The following ERBB4 variants were observed in gnomAD, a reference collection of about 807,000 sequenced individuals.
The protein encoded by ERBB4 is erb-b2 receptor tyrosine kinase 4, also known as receptor tyrosine-protein kinase erbB-4.
In ERBB4, 42 loss-of-function variants were observed where a neutral mutation model predicts 158.0. The observed-to-expected ratio is 0.27, with a 90% CI of 0.21 to 0.34. The LOEUF (loss-of-function observed/expected upper bound fraction) is 0.34, where lower values mean the gene tolerates loss of function less well. Ranked by LOEUF, ERBB4 falls within the 10% of genes least tolerant of loss-of-function variation. The pLI, the probability that ERBB4 is intolerant of heterozygous loss-of-function variation, is 1.00. For synonymous variants in ERBB4, 583 were observed against 558.7 expected (o/e 1.04, Z -0.61); for missense variants, 1,333 against 1,624.1 (o/e 0.82, Z 3.08).
At chr2:211,816,201 A>G (rs1217385359) in intron 3 of ERBB4, among the ~76,000 whole-genome samples, 1 of 152,194 alleles carries the variant, frequency 6.6e-6, no homozygotes, top group Non-Finnish European at 1.5e-5. Flanking sequence ...AATGCTGATT[A>G]AATGTAAAAG....
intron 5 of ERBB4, among the ~76,000 whole-genome samples, chr2:211,732,230 A>T (rs1181946796): frequency 1.3e-5 from 2 of 152,298 alleles, no homozygotes; most frequent in African/African-American, 4.8e-5. Flanking sequence ...TCACAGAGGA[A>T]GGCTTCATCA....
chr2:212,251,430 G>A (rs774222180), intron 1 of ERBB4, among the ~76,000 whole-genome samples: 31 of 151,984 alleles, frequency 2.0e-4, no homozygotes, highest in East Asian at 5.8e-4. Flanking sequence ...ACCTCATATC[G>A]TAGTGAGAAG....
At chr2:212,042,642 TC>T (rs2077168429) in intron 2 of ERBB4, among the ~76,000 whole-genome samples, 1 of 152,216 alleles carries the variant, frequency 6.6e-6, no homozygotes, top group Admixed American at 6.5e-5. Context: ...CTATAATCTT[TC>T]TTTGTGGTTT....
intron 2 of ERBB4, among the ~76,000 whole-genome samples, chr2:212,085,836 A>C (rs1361244546): frequency 1.0e-5 from 1 of 95,742 alleles, no homozygotes; most frequent in Admixed American, 1.4e-4. Flanking sequence ...GATATTATAT[A>C]ATCCCCCAAA....
At chr2:212,424,848 T>G (rs961097383) in intron 1 of ERBB4, among the ~76,000 whole-genome samples, 2 of 152,082 alleles carry the variant, frequency 1.3e-5, no homozygotes, top group Admixed American at 6.6e-5. Flanking sequence ...AGCCTTTTAC[T>G]TATCTTCAGA....
At chr2:212,225,386 A>G (rs2083438557) in intron 1 of ERBB4, among the ~76,000 whole-genome samples, 1 of 152,070 alleles carries the variant, frequency 6.6e-6, no homozygotes, top group Non-Finnish European at 1.5e-5. Flanking sequence ...TACCATTTAC[A>G]TGAGGCTGGA....
At chr2:211,957,531 G>A (rs1056025340) in intron 2 of ERBB4, among the ~76,000 whole-genome samples, 2 of 152,104 alleles carry the variant, frequency 1.3e-5, no homozygotes, top group African/African-American at 4.8e-5. Flanking sequence ...GCTTTTAGCA[G>A]TATTATGTTG....
intron 1 of ERBB4, among the ~76,000 whole-genome samples, chr2:212,409,089 A>T (rs1043849278): frequency 2.6e-5 from 4 of 152,156 alleles, no homozygotes; most frequent in Non-Finnish European, 4.4e-5. Context: ...CACCAAACTT[A>T]ATTAGGCAGA....
rs528991337 is a variant in ERBB4, at chr2:211,639,969, C to G, written c.1947-9375G>C. 1.8e-3 allele frequency among the ~76,000 whole-genome samples: 277 copies of G among 152,156 alleles called. 2 individuals carry two copies. The highest frequency in any genetic ancestry group is 1.1e-3 in the Admixed American group (17 of 15,278). ...AACTCCTGACCTCAGGTGATCTGCC[C>G]GCCTCGGCCTTCCAAAGTGCTGGGA... On this transcript the variant is annotated intron_variant, in intron 16 of 27. Transcript: ENST00000342788.
chr2:211,974,376 G>A (rs1303769124), intron 2 of ERBB4, among the ~76,000 whole-genome samples: 3 of 152,160 alleles, frequency 2.0e-5, no homozygotes, highest in Non-Finnish European at 2.9e-5. Flanking sequence ...GGGAAGGATG[G>A]AAGAAGGGAG....
intron 2 of ERBB4, among the ~76,000 whole-genome samples, chr2:212,003,211 A>AAC (rs1559294130): frequency 1.1e-4 from 6 of 55,894 alleles, no homozygotes; most frequent in African/African-American, 3.3e-4. Context: ...GAAAGACAGA[A>AAC]AGAAGGAAGG....
intron 1 of ERBB4, among the ~76,000 whole-genome samples, chr2:212,472,280 A>G (rs546232565): frequency 4.6e-5 from 7 of 151,960 alleles, no homozygotes; most frequent in African/African-American, 1.7e-4. Flanking sequence ...CCTAAAATAT[A>G]TTGGCACAAC....
chr2:211,722,035 G>A (rs1235951046), intron 7 of ERBB4, among the ~76,000 whole-genome samples: 1 of 152,052 alleles, frequency 6.6e-6, no homozygotes, highest in Non-Finnish European at 1.5e-5. Flanking sequence ...GCTAATTTTT[G>A]TATTTTCTGT....
chr2:212,454,837 T>C lies in ERBB4; in HGVS notation c.82+83612A>G, dbSNP rs111270495. On this transcript the variant is annotated intron_variant, in intron 1 of 27. Coordinates refer to ENST00000342788, the MANE Select transcript of ERBB4 (RefSeq NM_005235.3). ...AAAGTGAAGCAGTTGGACTCAATTTTTGTGAAAACCAGCTTGATTCTACAG... is the reference window on the plus strand; with the variant it reads ...AAAGTGAAGCAGTTGGACTCAATTTCTGTGAAAACCAGCTTGATTCTACAG... 9.7e-3 allele frequency among the ~76,000 whole-genome samples: 1,482 copies of C among 152,290 alleles called. 28 individuals are homozygous for C. Among genetic ancestry groups the C allele is most frequent in the African/African-American group, 0.034 (1,401 of 41,578 alleles).
At position 211,594,383 on chromosome 2, in the gene ERBB4, G is replaced by A. The variant is rs550175746; in HGVS notation, c.2301+24794C>T. The stretch of plus-strand genomic sequence containing the variant: ...GAAGCTGAGAGGCAGAGGTTGCAGT[G>A]AGCTGAAATCGCACCACTGCACTCC... On this transcript the variant is annotated intron_variant, in intron 19 of 27. Coordinates refer to ENST00000342788, the MANE Select transcript of ERBB4 (RefSeq NM_005235.3). 8.6e-4 allele frequency among the ~76,000 whole-genome samples: 131 copies of A among 151,848 alleles called. 4 individuals carry two copies. In the South Asian group the frequency reaches 0.026, roughly 30 times the overall value.
intron 20 of ERBB4, among the ~76,000 whole-genome samples, chr2:211,442,250 A>G (rs2063995154): frequency 6.6e-6 from 1 of 152,076 alleles, no homozygotes; most frequent in Admixed American, 6.6e-5. Flanking sequence ...CTACAGACAC[A>G]TGCTTGGTCA....
rs1044835600 is a variant in ERBB4, at chr2:211,983,346, C to A, written c.235-35730G>T. Among the ~76,000 whole-genome samples the A allele has an allele frequency of 2.6e-5, 4 of 152,264 alleles. No individual in the cohort carries two copies. In the East Asian group the frequency reaches 7.7e-4, roughly 29 times the overall value. ...GGAAGAATGAAGGCTGGTTGACTCTCACATTTCCAGAATGATAAATTGGGG... is the reference window on the plus strand; with the variant it reads ...GGAAGAATGAAGGCTGGTTGACTCTAACATTTCCAGAATGATAAATTGGGG... On this transcript the variant is annotated intron_variant, in intron 2 of 27. Transcript: ENST00000342788.
intron 20 of ERBB4, among the ~76,000 whole-genome samples, chr2:211,503,021 C>T (rs1340299223): frequency 1.3e-5 from 2 of 152,056 alleles, no homozygotes; most frequent in African/African-American, 2.4e-5. Context: ...ACTTGCTTGG[C>T]CTCACTAGTT....
At chr2:212,082,963 A>G (rs1022375316) in intron 2 of ERBB4, among the ~76,000 whole-genome samples, 3 of 151,990 alleles carry the variant, frequency 2.0e-5, no homozygotes, top group Non-Finnish European at 4.4e-5. Flanking sequence ...AATGAATACA[A>G]TAGGTGTTCA....
Sources: gnomAD v4.1 joint callset for allele counts (sites outside exome capture counted in the v4.1 genomes callset) on GRCh38, gnomAD v4.1.1 for gene constraint, MANE v1.5 for transcripts, NCBI Gene and HGNC (gene_info 2026-07-23, HGNC 2026-07-21) for gene names.